Variants in TXNL4A observed in about 807,000 individuals in gnomAD.
TXNL4A encodes thioredoxin-like protein 4A.
TXNL4A carries 17 observed loss-of-function variants against 14.6 expected under a neutral mutation model. The observed-to-expected ratio is 1.16, with a 90% CI of 0.80 to 1.74. The LOEUF (loss-of-function observed/expected upper bound fraction) is 1.74. TXNL4A is among the 40% of genes most tolerant of loss of function. TXNL4A has a pLI of 0.00. For synonymous variants in TXNL4A, 83 were observed against 70.6 expected (o/e 1.18, Z -0.88); for missense variants, 74 against 195.2 (o/e 0.38, Z 3.70).
chr18:79,989,564 TA>T (rs933315361), upstream of TXNL4A, among the ~76,000 whole-genome samples: 4 of 152,228 alleles, frequency 2.6e-5, no homozygotes, highest in Non-Finnish European at 5.9e-5. Context: ...CTTTTTAAAA[TA>T]AAACCTCTAA....
At chr18:79,975,001 A>T (rs779073779) in intron 2 of TXNL4A, among the ~76,000 whole-genome samples, 41 of 152,320 alleles carry the variant, frequency 2.7e-4, no homozygotes, top group Middle Eastern at 6.8e-3. Flanking sequence ...AAATCTGATC[A>T]GGGTCTGGAG....
intron 1 of TXNL4A, among the ~76,000 whole-genome samples, chr18:80,019,539 T>C (rs896399078): frequency 1.3e-5 from 2 of 152,172 alleles, no homozygotes; most frequent in African/African-American, 4.8e-5. Context: ...CCATGTGTTA[T>C]TTATTACCTG....
At chr18:80,016,843 C>T (rs1231752124) in intron 1 of TXNL4A, among the ~76,000 whole-genome samples, 24 of 149,644 alleles carry the variant, frequency 1.6e-4, no homozygotes, top group Non-Finnish European at 2.3e-4. Context: ...CTTGGCGATG[C>T]GGGCTCTTTT....
chr18:80,028,973 A>T (rs976304756), intron 1 of TXNL4A, among the ~76,000 whole-genome samples: 1 of 152,242 alleles, frequency 6.6e-6, no homozygotes, highest in Non-Finnish European at 1.5e-5. Flanking sequence ...CTGCTAAAAG[A>T]GCAGCACCCG....
At chr18:80,033,632 T>A (rs984409495) in intron 1 of TXNL4A, among the ~76,000 whole-genome samples, 3 of 152,236 alleles carry the variant, frequency 2.0e-5, no homozygotes, top group African/African-American at 7.2e-5. Flanking sequence ...CCTTCGTTGC[T>A]TTGTGCGGCG....
intron 1 of TXNL4A, among the ~76,000 whole-genome samples, chr18:79,986,086 C>T (rs1016926694): frequency 3.3e-5 from 5 of 151,320 alleles, no homozygotes; most frequent in Admixed American, 3.3e-4. Flanking sequence ...GTTGCCCAGG[C>T]TGGAGTTCAG....
chr18:79,972,878 G>A lies in TXNL4A; in HGVS notation c.*807C>T, dbSNP rs183180691. On this transcript the variant is annotated 3_prime_UTR_variant, in exon 3 of 3. Transcript: ENST00000269601. Reference sequence around the variant, plus strand: ...AAATAGCTCTCCTATTCCTTACAGGGAAGGCTATAAACAATATTTTATTGT... The same window carrying A: ...AAATAGCTCTCCTATTCCTTACAGGAAAGGCTATAAACAATATTTTATTGT... 11 of 152,306 alleles carry A rather than the reference G, an allele frequency of 7.2e-5. No individual in the cohort carries two copies. The highest frequency in any genetic ancestry group is 2.6e-4 in the Admixed American group (4 of 15,288). 9.4% of individuals were successfully genotyped at this position (152,306 alleles called of 1,614,324 possible). A position where few individuals can be genotyped will look rare whatever the true frequency, so the allele number is the denominator to read the frequency against.
At chr18:79,986,938 G>A (rs1478911515) in intron 1 of TXNL4A, among the ~76,000 whole-genome samples, 3 of 152,166 alleles carry the variant, frequency 2.0e-5, no homozygotes, top group Non-Finnish European at 4.4e-5. Flanking sequence ...TCTAATCCCC[G>A]GCTGGCAGAA....
At chr18:79,978,933 A>G (rs1261081676) in intron 1 of TXNL4A, among the ~76,000 whole-genome samples, 1 of 149,762 alleles carries the variant, frequency 6.7e-6, no homozygotes, top group Non-Finnish European at 1.5e-5. Context: ...AATTTTGAGC[A>G]TTCTTTTTTT....
chr18:80,025,981 G>A (rs1021453482), intron 1 of TXNL4A, among the ~76,000 whole-genome samples: 1 of 152,180 alleles, frequency 6.6e-6, no homozygotes, highest in Non-Finnish European at 1.5e-5. Context: ...AATGCTGCCA[G>A]AACCCAAATG....
At chr18:80,028,612 C>T (rs1417473168) in intron 1 of TXNL4A, among the ~76,000 whole-genome samples, 1 of 152,084 alleles carries the variant, frequency 6.6e-6, no homozygotes, top group African/African-American at 2.4e-5. Context: ...AATTTTGGAG[C>T]AGGATATGCT....
chr18:80,014,503 C>T (rs539098665), intron 1 of TXNL4A, among the ~76,000 whole-genome samples: 35 of 152,318 alleles, frequency 2.3e-4, no homozygotes, highest in African/African-American at 7.9e-4. Context: ...CCTTTGACTT[C>T]GGGTCTCGCA....
chr18:79,984,915 ACAG>A (rs1317374362), intron 1 of TXNL4A, among the ~76,000 whole-genome samples: 1 of 152,236 alleles, frequency 6.6e-6, no homozygotes, highest in Non-Finnish European at 1.5e-5. Flanking sequence ...AAATGGAAAG[ACAG>A]CTCAAAGGCA....
At chr18:80,024,360 C>A (rs1234094901) in intron 1 of TXNL4A, among the ~76,000 whole-genome samples, 1 of 152,154 alleles carries the variant, frequency 6.6e-6, no homozygotes, top group Non-Finnish European at 1.5e-5. Context: ...CTAAAATTAG[C>A]ACTAACAACC....
intron 1 of TXNL4A, among the ~76,000 whole-genome samples, chr18:80,028,179 T>C (rs2051897370): frequency 6.7e-6 from 1 of 149,222 alleles, no homozygotes; most frequent in African/African-American, 2.5e-5. Flanking sequence ...CAGAGGCCTA[T>C]AGGCTATTTT....
Position 80,006,011 on chromosome 18 carries a change from A to G in TXNL4A, c.-61+27840T>C, listed in dbSNP as rs530358857. Among the ~76,000 whole-genome samples the G allele has an allele frequency of 6.6e-5, 10 of 152,278 alleles. No individual in the cohort carries two copies. The South Asian group carries it at 1.9e-3, about 28-fold the overall frequency. On this transcript the variant is annotated intron_variant, in intron 1 of 2. Coordinates refer to the TXNL4A transcript ENST00000585474. ...GTGGGGACACAATTTTGTAGTCCCAAGTACTCAGGAGGCTGAGGCAGGAGG... is the reference window on the plus strand; with the variant it reads ...GTGGGGACACAATTTTGTAGTCCCAGGTACTCAGGAGGCTGAGGCAGGAGG...
At chr18:80,017,237 G>T (rs972565547) in intron 1 of TXNL4A, among the ~76,000 whole-genome samples, 1 of 152,154 alleles carries the variant, frequency 6.6e-6, no homozygotes, top group Non-Finnish European at 1.5e-5. Flanking sequence ...TGCCAAAGTT[G>T]CTTATCAGCT....
At chr18:80,005,906 CTG>C (rs1214946142) in intron 1 of TXNL4A, among the ~76,000 whole-genome samples, 1 of 151,842 alleles carries the variant, frequency 6.6e-6, no homozygotes, top group Non-Finnish European at 1.5e-5. Flanking sequence ...GAGCAAGACT[CTG>C]TTTCAAAAAA....
In TXNL4A at chr18:79,973,661, T is replaced by C. The variant is rs2145047458; in HGVS notation, c.*24A>G. ...CCATACAAAAAGGGCTCCACGACAT[T>C]TATCCGCGCAGACTGAGGGCGCCTC... On this transcript the variant is annotated 3_prime_UTR_variant, in exon 3 of 3. Transcript: ENST00000269601. 1 of 1,585,772 alleles carries C rather than the reference T, an allele frequency of 6.3e-7. No individual in the cohort carries two copies. The highest frequency in any genetic ancestry group is 1.7e-4 in the Middle Eastern group (1 of 5,892).
Sources: gnomAD v4.1 joint callset for allele counts (sites outside exome capture counted in the v4.1 genomes callset) on GRCh38, gnomAD v4.1.1 for gene constraint, MANE v1.5 for transcripts, NCBI Gene and HGNC (gene_info 2026-07-23, HGNC 2026-07-21) for gene names.